Variants in SLC35F3 observed in about 807,000 individuals in gnomAD.
SLC35F3 encodes the protein putative thiamine transporter SLC35F3.
Under a neutral mutation model 49.9 loss-of-function variants are expected in SLC35F3, and 25 were observed. That is an observed-to-expected ratio of 0.50 (90% CI 0.37 to 0.70). The LOEUF (loss-of-function observed/expected upper bound fraction) is 0.70. SLC35F3 is among the 30% of genes least tolerant of loss of function. The pLI, the probability that SLC35F3 is intolerant of heterozygous loss-of-function variation, is 0.00. For missense variants in SLC35F3, 525 were observed against 639.8 expected, an observed-to-expected ratio of 0.82 and a Z score of 1.94; for synonymous variants, 275 against 265.4, an observed-to-expected ratio of 1.04 and a Z score of -0.35.
chr1:233,992,780 A>G (rs1572011830), intron 2 of SLC35F3, among the ~76,000 whole-genome samples: 1 of 152,228 alleles, frequency 6.6e-6, no homozygotes. Context: ...TGGGGAATGT[A>G]GCAGGGACAG....
intron 2 of SLC35F3, among the ~76,000 whole-genome samples, chr1:234,173,517 T>A (rs1666431620): frequency 6.6e-6 from 1 of 152,124 alleles, no homozygotes; most frequent in Admixed American, 6.5e-5. Flanking sequence ...CACACCCTTA[T>A]CTCTCAAACT....
chr1:234,060,237 G>T (rs1664520237), intron 2 of SLC35F3, among the ~76,000 whole-genome samples: 1 of 152,142 alleles, frequency 6.6e-6, no homozygotes, highest in African/African-American at 2.4e-5. Flanking sequence ...TCCTATAGAT[G>T]TCTGTTAGGT....
At chr1:234,243,631 C>T (rs1667588807) in intron 3 of SLC35F3, among the ~76,000 whole-genome samples, 1 of 152,182 alleles carries the variant, frequency 6.6e-6, no homozygotes. Flanking sequence ...AAGGTTGGCA[C>T]CTTCTAGGTT....
At chr1:234,021,770 G>A (rs940940065) in intron 2 of SLC35F3, among the ~76,000 whole-genome samples, 1 of 151,764 alleles carries the variant, frequency 6.6e-6, no homozygotes, top group Non-Finnish European at 1.5e-5. Context: ...CACCATTCAG[G>A]TTTTTATTCT....
intron 2 of SLC35F3, among the ~76,000 whole-genome samples, chr1:234,055,672 C>T (rs964527527): frequency 6.6e-6 from 1 of 152,166 alleles, no homozygotes; most frequent in Non-Finnish European, 1.5e-5. Context: ...TCTGACAAGC[C>T]CCAGTGAGAT....
At chr1:233,949,274 T>G (rs1662565924) in intron 2 of SLC35F3, among the ~76,000 whole-genome samples, 1 of 152,292 alleles carries the variant, frequency 6.6e-6, no homozygotes, top group South Asian at 2.1e-4. Flanking sequence ...ATTATATTAG[T>G]GGGGTCCTTG....
chr1:234,036,254 C>A (rs1664140899), intron 2 of SLC35F3, among the ~76,000 whole-genome samples: 1 of 152,072 alleles, frequency 6.6e-6, no homozygotes. Flanking sequence ...TTTTTAGAGA[C>A]AGGATCTCGT....
intron 3 of SLC35F3, among the ~76,000 whole-genome samples, chr1:234,282,714 A>G (rs7513902): frequency 0.019 from 2,942 of 152,190 alleles, 81 homozygotes; most frequent in African/African-American, 0.061. Context: ...TCACTTCTCT[A>G]AGGTCCCCCA....
At chr1:234,191,990 A>C (rs111272196) in intron 2 of SLC35F3, among the ~76,000 whole-genome samples, 1 of 152,166 alleles carries the variant, frequency 6.6e-6, no homozygotes, top group African/African-American at 2.4e-5. Context: ...AAAAAAGTCC[A>C]GGACCAGATG....
In SLC35F3 at chr1:234,226,961, G is replaced by GCGCGCA. The variant is rs141422884; in HGVS notation, c.284-4455_284-4454insGCGCAC. On this transcript the variant is annotated intron_variant, in intron 2 of 7. Transcript: ENST00000366618. ...CCTGCACTGGCGTGCGCGCACGCGT[G>GCGCGCA]CACACACACACACACACACACACAC... Among the ~76,000 whole-genome samples the GCGCGCA allele has an allele frequency of 3.4e-5, 5 of 148,742 alleles. 1 individual carries two copies. In the East Asian group the frequency reaches 6.0e-4, roughly 18 times the overall value.
intron 2 of SLC35F3, chr1:234,215,004 A>G (rs111434366): frequency 5.5e-4 from 88 of 160,022 alleles, no homozygotes; most frequent in African/African-American, 1.9e-3. Context: ...AGGCCGACCA[A>G]AGGTGCTGCC....
chr1:234,035,247 T>G (rs1434969362), intron 2 of SLC35F3, among the ~76,000 whole-genome samples: 1 of 152,220 alleles, frequency 6.6e-6, no homozygotes, highest in African/African-American at 2.4e-5. Context: ...TAATCTATTT[T>G]TATACTTAAC....
At chr1:234,163,293 G>A (rs548851078) in intron 2 of SLC35F3, among the ~76,000 whole-genome samples, 93 of 152,292 alleles carry the variant, frequency 6.1e-4, no homozygotes, top group Non-Finnish European at 1.0e-3. Context: ...CACATGCCTC[G>A]GTGATGCAGT....
intron 2 of SLC35F3, among the ~76,000 whole-genome samples, chr1:234,039,598 T>C (rs1191494366): frequency 1.3e-5 from 2 of 152,128 alleles, no homozygotes; most frequent in Non-Finnish European, 2.9e-5. Flanking sequence ...ATCCACACAG[T>C]CACGGAGCTG....
intron 2 of SLC35F3, among the ~76,000 whole-genome samples, chr1:233,937,016 C>A (rs1323204999): frequency 6.6e-6 from 1 of 152,164 alleles, no homozygotes; most frequent in African/African-American, 2.4e-5. Context: ...CAGGCTCTGA[C>A]ATTTTGTGAT....
intron 2 of SLC35F3, among the ~76,000 whole-genome samples, chr1:234,017,986 G>GA (rs954302570): frequency 3.4e-4 from 49 of 145,214 alleles, no homozygotes; most frequent in African/African-American, 4.5e-4. Context: ...CAAAGTCACT[G>GA]AAAAAAAAAA....
intron 2 of SLC35F3, among the ~76,000 whole-genome samples, chr1:233,979,569 A>G (rs75502772): frequency 6.6e-6 from 1 of 152,320 alleles, no homozygotes; most frequent in East Asian, 1.9e-4. Flanking sequence ...CTGTGGATAG[A>G]TATATTGCCT....
At chr1:233,963,633 G>A (rs1481637553) in intron 2 of SLC35F3, among the ~76,000 whole-genome samples, 3 of 152,280 alleles carry the variant, frequency 2.0e-5, no homozygotes, top group African/African-American at 7.2e-5. Flanking sequence ...AGTGTTTGGC[G>A]CAGGTCAGTT....
At position 234,231,079 on chromosome 1, in the gene SLC35F3, G is replaced by C. The variant is rs550366043; in HGVS notation, c.284-338G>C. 6.6e-6 allele frequency among the ~76,000 whole-genome samples: 1 copy of C among 152,332 alleles called. No homozygotes were observed. The highest frequency in any genetic ancestry group is 2.1e-4 in the South Asian group (1 of 4,830). On this transcript the variant is annotated intron_variant, in intron 2 of 7. Transcript: ENST00000366618. This position sits in a 1 kb window ranked among gnomAD's most constrained non-coding sequence, Gnocchi z 5.4. Reference sequence around the variant, plus strand: ...GGAGGAGTGTTTCCCAAAGCACGCAGATCACCTGAGGAATGCAGGTTCTGA... The same window carrying C: ...GGAGGAGTGTTTCCCAAAGCACGCACATCACCTGAGGAATGCAGGTTCTGA...
Sources: gnomAD v4.1 joint callset for allele counts (sites outside exome capture counted in the v4.1 genomes callset) on GRCh38, gnomAD v4.1.1 for gene constraint, Gnocchi (gnomAD v3.1) non-coding constraint, MANE v1.5 for transcripts, NCBI Gene and HGNC (gene_info 2026-07-23, HGNC 2026-07-21) for gene names.